SLIT3: variants seen among roughly 807,000 people sequenced by gnomAD.
SLIT3 encodes slit guidance ligand 3.
Under a neutral mutation model 184.0 loss-of-function variants are expected in SLIT3, and 68 were observed. That is an observed-to-expected ratio of 0.37 (90% CI 0.30 to 0.45). The LOEUF (loss-of-function observed/expected upper bound fraction) is 0.45. Ranked by LOEUF, SLIT3 falls within the 20% of genes least tolerant of loss-of-function variation. The pLI is 1.00. For synonymous variants in SLIT3, 831 were observed against 828.6 expected, an observed-to-expected ratio of 1.00 and a Z score of -0.05; for missense variants, 1,707 against 2,026.0, an observed-to-expected ratio of 0.84 and a Z score of 3.02.
rs1348627006 is a variant in SLIT3, at chr5:169,269,647, C to T, written c.198-18188G>A. Among the ~76,000 whole-genome samples the T allele has an allele frequency of 2.6e-5, 4 of 152,232 alleles. No homozygotes were observed. The East Asian group carries it at 7.7e-4, about 29-fold the overall frequency. On this transcript the variant is annotated intron_variant, in intron 1 of 35. Coordinates refer to ENST00000519560, the MANE Select transcript of SLIT3 (RefSeq NM_003062.4). ...AAGAGAATGCAGTCTGACAGTGGGACCAGAGTGGGACCACCAACCCCATTC... is the reference window on the plus strand; with the variant it reads ...AAGAGAATGCAGTCTGACAGTGGGATCAGAGTGGGACCACCAACCCCATTC...
At chr5:169,051,296 T>C (rs1326141800) in intron 4 of SLIT3, among the ~76,000 whole-genome samples, 1 of 152,200 alleles carries the variant, frequency 6.6e-6, no homozygotes, top group African/African-American at 2.4e-5. Context: ...CTTTTTTTTT[T>C]TCCCCTCTAC....
At chr5:168,808,009 CAA>C (rs2113636074) in intron 8 of SLIT3, among the ~76,000 whole-genome samples, 1 of 152,248 alleles carries the variant, frequency 6.6e-6, no homozygotes, top group East Asian at 1.9e-4. Context: ...GCCCAATGAC[CAA>C]AGATTCTTAT....
At chr5:169,276,626 T>C (rs1400700903) in intron 1 of SLIT3, among the ~76,000 whole-genome samples, 1 of 152,238 alleles carries the variant, frequency 6.6e-6, no homozygotes, top group Non-Finnish European at 1.5e-5. Context: ...GCCAAAAATA[T>C]TGCTGCATGT....
At chr5:169,126,859 T>C (rs1421487139) in intron 4 of SLIT3, among the ~76,000 whole-genome samples, 1 of 150,016 alleles carries the variant, frequency 6.7e-6, no homozygotes, top group Non-Finnish European at 1.5e-5. Flanking sequence ...GTTGCCCAGA[T>C]TTTTCTCTCC....
chr5:168,908,206 T>C (rs965223516), intron 4 of SLIT3, among the ~76,000 whole-genome samples: 4 of 152,170 alleles, frequency 2.6e-5, no homozygotes, highest in Non-Finnish European at 5.9e-5. Flanking sequence ...TGTTGCATTC[T>C]GAATACTCGT....
chr5:168,930,617 G>A (rs578009787), intron 4 of SLIT3, among the ~76,000 whole-genome samples: 79 of 152,114 alleles, frequency 5.2e-4, no homozygotes, highest in African/African-American at 1.8e-3. Context: ...CACATAATAG[G>A]TACTCAATGA....
intron 4 of SLIT3, among the ~76,000 whole-genome samples, chr5:169,101,137 G>A (rs1333740466): frequency 6.6e-6 from 1 of 152,184 alleles, no homozygotes; most frequent in African/African-American, 2.4e-5. Flanking sequence ...GATGGTCTTA[G>A]GGAGTAAAAG....
chr5:169,009,668 G>A (rs893311495), intron 4 of SLIT3, among the ~76,000 whole-genome samples: 2 of 152,150 alleles, frequency 1.3e-5, no homozygotes, highest in Admixed American at 6.5e-5. Flanking sequence ...AAGTAGCTGC[G>A]TGCCACCAAA....
At chr5:169,097,887 GA>G (rs1338562542) in intron 4 of SLIT3, among the ~76,000 whole-genome samples, 1 of 152,218 alleles carries the variant, frequency 6.6e-6, no homozygotes, top group Non-Finnish European at 1.5e-5. Context: ...CATGCCAACT[GA>G]AAAGCTGAGA....
chr5:169,291,448 T>A (rs1767359564), intron 1 of SLIT3, among the ~76,000 whole-genome samples: 1 of 152,168 alleles, frequency 6.6e-6, no homozygotes, highest in South Asian at 2.1e-4. Flanking sequence ...AGATAAAACT[T>A]CCCAAAGTGC....
At chr5:169,066,403 A>C (rs552308241) in intron 4 of SLIT3, among the ~76,000 whole-genome samples, 1 of 152,370 alleles carries the variant, frequency 6.6e-6, no homozygotes, top group South Asian at 2.1e-4. Flanking sequence ...CAATCTGCAA[A>C]ATAAGAAATT....
At chr5:169,037,897 C>CT (rs1428212640) in intron 4 of SLIT3, 1 of 152,240 alleles carries the variant, frequency 6.6e-6, no homozygotes, top group African/African-American at 2.4e-5. Context: ...TCATGATATT[C>CT]TTTTTCACGA....
At chr5:169,200,908 G>A (rs1763888176) in intron 3 of SLIT3, among the ~76,000 whole-genome samples, 1 of 152,196 alleles carries the variant, frequency 6.6e-6, no homozygotes, top group Non-Finnish European at 1.5e-5. Context: ...GTCATGATCA[G>A]GAATGGTCCC....
intron 6 of SLIT3, among the ~76,000 whole-genome samples, chr5:168,839,395 G>T (rs946020449): frequency 6.6e-6 from 1 of 152,286 alleles, no homozygotes; most frequent in Non-Finnish European, 1.5e-5. Flanking sequence ...GCAGAGTGGG[G>T]TCTACATGCC....
At chr5:169,277,189 G>C (rs1766838312) in intron 1 of SLIT3, among the ~76,000 whole-genome samples, 1 of 152,010 alleles carries the variant, frequency 6.6e-6, no homozygotes, top group South Asian at 2.1e-4. Context: ...TTGTGTTTGG[G>C]TGATTTTACT....
chr5:168,722,952 T>C lies in SLIT3; in HGVS notation c.2392A>G (p.Met798Val). ...SMLTNYTFSNMSHLSTLILSY... is the reference protein window; with the variant it reads ...SMLTNYTFSNVSHLSTLILSY... ...ACTCACAGAGTGGAGAGGTGAGACA[T>C]GTTACTGAAGGTGTAATTGGTCAGC... Residue 798 changes from methionine (M) to valine (V), a missense_variant, in exon 22 of 36, where the codon ATG becomes GTG. Physicochemically the swap from Met to Val is conservative, Grantham distance 21 (BLOSUM62 1). Coordinates refer to ENST00000519560, the MANE Select transcript of SLIT3 (RefSeq NM_003062.4). 6.2e-7 allele frequency: 1 copy of C among 1,613,762 alleles called. No homozygotes were observed. Among genetic ancestry groups the C allele is most frequent in the Middle Eastern group, 1.7e-4 (1 of 6,060 alleles).
At chr5:169,246,565 A>T (rs950247745) in intron 2 of SLIT3, among the ~76,000 whole-genome samples, 4 of 152,230 alleles carry the variant, frequency 2.6e-5, no homozygotes, top group African/African-American at 9.6e-5. Context: ...AGTTCTTACG[A>T]GAACAAAAAT....
chr5:168,797,960 G>A (rs1213236484), intron 9 of SLIT3, among the ~76,000 whole-genome samples: 1 of 152,130 alleles, frequency 6.6e-6, no homozygotes, highest in Admixed American at 6.5e-5. Flanking sequence ...TAAGGGATTA[G>A]GACCCCAGGG....
chr5:169,292,436 G>A (rs1488818224), intron 1 of SLIT3, among the ~76,000 whole-genome samples: 1 of 152,120 alleles, frequency 6.6e-6, no homozygotes, highest in African/African-American at 2.4e-5. Flanking sequence ...GCATTAATAG[G>A]AAATTATTCC....
Sources: gnomAD v4.1 joint callset for allele counts (sites outside exome capture counted in the v4.1 genomes callset) on GRCh38, gnomAD v4.1.1 for gene constraint, MANE v1.5 for transcripts, NCBI Gene and HGNC (gene_info 2026-07-23, HGNC 2026-07-21) for gene names.